RP1: variants seen among roughly 807,000 people sequenced by gnomAD.
RP1 encodes the protein oxygen-regulated protein 1.
RP1 carries 16 observed loss-of-function variants against 14.8 expected under a neutral mutation model. That is an observed-to-expected ratio of 1.08 (90% CI 0.73 to 1.65). RP1 has a LOEUF of 1.65. Among genes scored for constraint, RP1 ranks in the 40% most tolerant of loss-of-function variants. RP1 has a pLI of 0.00. For synonymous variants in RP1, 876 were observed against 883.6 expected, an observed-to-expected ratio of 0.99 and a Z score of 0.15; for missense variants, 2,631 against 2,535.0, an observed-to-expected ratio of 1.04 and a Z score of -0.81.
intron 13 of RP1, among the ~76,000 whole-genome samples, chr8:54,701,265 T>A (rs1354469903): frequency 1.3e-5 from 2 of 152,112 alleles, no homozygotes; most frequent in East Asian, 3.9e-4. Flanking sequence ...CCAACATTCT[T>A]CCATGGATTC....
chr8:54,671,226 A>G (rs1443923544), intron 7 of RP1, among the ~76,000 whole-genome samples: 2 of 152,072 alleles, frequency 1.3e-5, no homozygotes, highest in African/African-American at 4.8e-5. Context: ...TCTCCTTCAT[A>G]TATGATGAGT....
intron 1 of RP1, among the ~76,000 whole-genome samples, chr8:54,577,729 A>G (rs559540864): frequency 6.6e-6 from 1 of 152,290 alleles, no homozygotes; most frequent in South Asian, 2.1e-4. Context: ...AGATGAGGAA[A>G]TGGATGCTTA....
intron 25 of RP1, among the ~76,000 whole-genome samples, chr8:54,844,600 G>C (rs148645361): frequency 6.6e-6 from 1 of 151,900 alleles, no homozygotes; most frequent in Admixed American, 6.6e-5. Context: ...CTGTGTGTGC[G>C]TATGTGTGTG....
At chr8:54,828,591 C>G (rs1214134607) in intron 24 of RP1, among the ~76,000 whole-genome samples, 1 of 152,066 alleles carries the variant, frequency 6.6e-6, no homozygotes, top group Admixed American at 6.6e-5. Flanking sequence ...AGAACAGGAG[C>G]CAAATAAACC....
chr8:54,591,604 T>C (rs1313592239), intron 1 of RP1, among the ~76,000 whole-genome samples: 1 of 152,168 alleles, frequency 6.6e-6, no homozygotes, highest in Non-Finnish European at 1.5e-5. Context: ...CTTGCTTGTT[T>C]TTGCTGTCTG....
intron 24 of RP1, among the ~76,000 whole-genome samples, chr8:54,806,788 T>A (rs1810862279): frequency 6.6e-6 from 1 of 152,214 alleles, no homozygotes; most frequent in South Asian, 2.1e-4. Flanking sequence ...TAACAAATTG[T>A]AATGGGTGAA....
intron 24 of RP1, among the ~76,000 whole-genome samples, chr8:54,786,835 G>T (rs1368365475): frequency 6.6e-6 from 1 of 152,046 alleles, no homozygotes; most frequent in Non-Finnish European, 1.5e-5. Context: ...AGATAAATAA[G>T]AACTGGCCCA....
chr8:54,737,988 T>A (rs1470069426), intron 18 of RP1, among the ~76,000 whole-genome samples: 1 of 152,002 alleles, frequency 6.6e-6, no homozygotes, highest in Non-Finnish European at 1.5e-5. Flanking sequence ...ATATTACATT[T>A]AAAAAAAATC....
intron 17 of RP1, among the ~76,000 whole-genome samples, chr8:54,727,023 T>C (rs1437639843): frequency 1.3e-5 from 2 of 152,112 alleles, no homozygotes; most frequent in Non-Finnish European, 2.9e-5. Flanking sequence ...CTAGTCATCT[T>C]TGGATAAGAT....
At position 54,625,311 on chromosome 8, in the gene RP1, G is replaced by C; in HGVS notation, c.1429G>C (p.Glu477Gln). ...VTLVSETEVQ[E>Q]KMIGQFSYSE... ...CTTAGTATCTGAAACTGAGGTTCAAGAGAAAATGATTGGACAGTTTTCATA... is the reference window on the plus strand; with the variant it reads ...CTTAGTATCTGAAACTGAGGTTCAACAGAAAATGATTGGACAGTTTTCATA... The change falls in exon 4 of 4, where the codon GAG becomes CAG. Residue 477 changes from glutamate (E) to glutamine (Q), a missense_variant. Transcript: ENST00000220676. The C allele has an allele frequency of 6.2e-7, 1 of 1,614,182 alleles. No homozygotes were observed. Among genetic ancestry groups the C allele is most frequent in the Non-Finnish European group, 8.5e-7 (1 of 1,180,036 alleles).
At chr8:54,811,160 G>A (rs1325259122) in intron 24 of RP1, among the ~76,000 whole-genome samples, 2 of 152,278 alleles carry the variant, frequency 1.3e-5, no homozygotes, top group East Asian at 3.9e-4. Flanking sequence ...CAAGCACATA[G>A]TATGAGGTTC....
chr8:54,720,060 AC>A, intron 15 of RP1: 2 of 1,233,212 alleles, frequency 1.6e-6, no homozygotes, highest in Non-Finnish European at 2.2e-6. Flanking sequence ...TTCTTTTAAA[AC>A]GACTGGTTTT....
intron 6 of RP1, among the ~76,000 whole-genome samples, chr8:54,657,136 G>A (rs1806772642): frequency 6.6e-6 from 1 of 152,148 alleles, no homozygotes; most frequent in Non-Finnish European, 1.5e-5. Context: ...CAGGAGCATT[G>A]TTCTCACCAT....
At chr8:54,671,970 T>C (rs2129332697) in intron 7 of RP1, among the ~76,000 whole-genome samples, 1 of 152,302 alleles carries the variant, frequency 6.6e-6, no homozygotes, top group Non-Finnish European at 1.5e-5. Context: ...CGTGCTTTAC[T>C]AGGGGAAAAC....
chr8:54,660,112 T>C (rs1157538129), intron 6 of RP1, among the ~76,000 whole-genome samples: 1 of 152,130 alleles, frequency 6.6e-6, no homozygotes, highest in Non-Finnish European at 1.5e-5. Flanking sequence ...TTTCTACATA[T>C]ATAACCTGCA....
chr8:54,839,036 T>C (rs1811731654), intron 25 of RP1, among the ~76,000 whole-genome samples: 1 of 152,196 alleles, frequency 6.6e-6, no homozygotes, highest in African/African-American at 2.4e-5. Context: ...ATACTAGCCA[T>C]TACCATCATC....
chr8:54,692,182 T>C (rs1807730860), intron 12 of RP1, among the ~76,000 whole-genome samples: 1 of 151,770 alleles, frequency 6.6e-6, no homozygotes, highest in South Asian at 2.1e-4. Flanking sequence ...TTCCATGGTG[T>C]ATATGTGCCA....
intron 19 of RP1, among the ~76,000 whole-genome samples, chr8:54,744,638 T>G (rs1263292411): frequency 6.6e-6 from 1 of 152,148 alleles, no homozygotes; most frequent in East Asian, 1.9e-4. Context: ...ATAGAAAAAA[T>G]TCTGTATAGG....
At chr8:54,688,226 G>A (rs550540935) in intron 12 of RP1, among the ~76,000 whole-genome samples, 2 of 151,970 alleles carry the variant, frequency 1.3e-5, no homozygotes, top group African/African-American at 2.4e-5. Flanking sequence ...TTTGTTAGAT[G>A]GGTAGATTGC....
Sources: allele counts gnomAD v4.1 joint callset (sites outside exome capture counted in the v4.1 genomes callset), GRCh38; gene constraint gnomAD v4.1.1; transcripts MANE v1.5; gene names NCBI Gene and HGNC (gene_info 2026-07-23, HGNC 2026-07-21).